The following SNAPC2 variants were observed in gnomAD, a reference collection of about 807,000 sequenced individuals.
SNAPC2 encodes snRNA-activating protein complex subunit 2.
SNAPC2 carries 27 observed loss-of-function variants against 22.9 expected under a neutral mutation model. That is an observed-to-expected ratio of 1.18 (90% confidence interval 0.87 to 1.63). The LOEUF is 1.63. Ranked by LOEUF, SNAPC2 falls within the 40% of genes most tolerant of loss-of-function variation. The pLI, the probability that SNAPC2 is intolerant of heterozygous loss-of-function variation, is 0.00. For synonymous variants in SNAPC2, 272 were observed against 201.0 expected, an observed-to-expected ratio of 1.35 and a Z score of -2.99; for missense variants, 570 against 449.1, an observed-to-expected ratio of 1.27 and a Z score of -2.43.
chr19:7,920,695 G>T, intron 1 of SNAPC2, 146 bp downstream of exon 1: 3 of 270,546 alleles, frequency 1.1e-5, no homozygotes, highest in Non-Finnish European at 2.0e-5. Context: ...GTGGCGGGGC[G>T]TTAGTGGGTG....
At position 7,922,030 on chromosome 19, in the gene SNAPC2, G is replaced by C; in HGVS notation, c.373-5G>C. The C allele has an allele frequency of 1.2e-6, 2 of 1,603,160 alleles. No homozygotes were observed. Among genetic ancestry groups the C allele is most frequent in the Middle Eastern group, 1.7e-4 (1 of 5,992 alleles). On this transcript the variant is annotated splice_polypyrimidine_tract_variant and splice_region_variant and intron_variant, in intron 3 of 4. Transcript: ENST00000221573. ...CTCTTCCTCCCTGATTGTTCTGCCT[G>C]CCAGGTGCTCACCATCGCGGCCACG...
chr19:7,922,174 C>T lies in SNAPC2; in HGVS notation c.512C>T (p.Ala171Val). The T allele has an allele frequency of 1.9e-6, 3 of 1,614,132 alleles. No individual in the cohort carries two copies. Among genetic ancestry groups the T allele is most frequent in the South Asian group, 1.1e-5 (1 of 91,080 alleles). ...EDPAPEIPSS[A>V]PAAPSSAPRT... ...CCCGCCCCTGAAATACCTAGCTCTG[C>T]CCCTGCTGCACCTAGCTCCGCACCC... The change falls in exon 4 of 5, where the codon GCC (alanine) becomes GTC (valine). Residue 171 changes from alanine to valine, a missense_variant. Ala to Val is a moderately conservative substitution (Grantham distance 64). Coordinates refer to ENST00000221573, the MANE Select transcript of SNAPC2 (RefSeq NM_003083.4).
At chr19:7,921,880 CGTCA>C (rs1276032962) in intron 3 of SNAPC2, 107 bp downstream of exon 3, 18 of 1,392,876 alleles carry the variant, frequency 1.3e-5, no homozygotes, top group Non-Finnish European at 1.7e-5. Context: ...CTGTGGACTC[CGTCA>C]GTCACTGGAC....
chr19:7,922,062 G>T lies in SNAPC2; in HGVS notation c.400G>T (p.Val134Phe). The T allele has an allele frequency of 6.2e-7, 1 of 1,611,198 alleles. No homozygotes were observed. Among genetic ancestry groups the T allele is most frequent in the Non-Finnish European group, 8.5e-7 (1 of 1,178,000 alleles). Residue 134 changes from valine to phenylalanine, a missense_variant, in exon 4 of 5, where the codon GTC becomes TTC. Transcript: ENST00000221573. ...QVLTIAATEP[V>F]TLLHSKPPKP... ...GCTCACCATCGCGGCCACGGAACCGGTCACCCTCCTGCACTCCAAGCCCCC... is the reference window on the plus strand; with the variant it reads ...GCTCACCATCGCGGCCACGGAACCGTTCACCCTCCTGCACTCCAAGCCCCC...
Position 7,922,866 on chromosome 19 carries a change from T to A in SNAPC2, c.*102T>A. ...CTGAGGATCCCGTCATGGGGGAAGGTCCTTGAGATGATGCTCAGCTGTGGG... is the reference window on the plus strand; with the variant it reads ...CTGAGGATCCCGTCATGGGGGAAGGACCTTGAGATGATGCTCAGCTGTGGG... On this transcript the variant is annotated 3_prime_UTR_variant, in exon 5 of 5. Coordinates refer to ENST00000221573, the MANE Select transcript of SNAPC2 (RefSeq NM_003083.4). The A allele has an allele frequency of 1.1e-6, 1 of 936,296 alleles. No homozygotes were observed. The highest frequency in any genetic ancestry group is 1.6e-6 in the Non-Finnish European group (1 of 624,664). 58.0% of individuals were successfully genotyped at this position (936,296 alleles called of 1,614,324 possible).
chr19:7,920,999 C>T (rs972101973), intron 1 of SNAPC2: 24 of 1,125,494 alleles, frequency 2.1e-5, no homozygotes, highest in Non-Finnish European at 2.5e-5. Context: ...AAAGGCGGGG[C>T]GAGCCTCGGG....
intron 3 of SNAPC2, 121 bp downstream of exon 3, chr19:7,921,894 C>T (rs902573805): frequency 8.1e-6 from 11 of 1,354,364 alleles, no homozygotes; most frequent in African/African-American, 1.4e-5. Context: ...AGTCACTGGA[C>T]ACCTCGAGCC....
Position 7,920,523 on chromosome 19 carries a change from G to C in SNAPC2, c.157G>C (p.Glu53Gln). The C allele has an allele frequency of 2.1e-6, 3 of 1,450,082 alleles. No individual in the cohort carries two copies. Among genetic ancestry groups the C allele is most frequent in the Non-Finnish European group, 2.7e-6 (3 of 1,109,608 alleles). 89.8% of individuals were successfully genotyped at this position (1,450,082 alleles called of 1,614,324 possible). The change falls in exon 1 of 5, where the codon GAG (glutamate) becomes CAG (glutamine). Residue 53 changes from glutamate to glutamine, a missense_variant. Coordinates refer to ENST00000221573, the MANE Select transcript of SNAPC2 (RefSeq NM_003083.4). The stretch of plus-strand genomic sequence containing the variant: ...GCCGGACGCCACCGAGCTGGCCCGG[G>C]AGCTGCGGGGCCGGAGCGAGGCTGA... ...PEPDATELAR[E>Q]LRGRSEAEIR...
rs201639553 is a variant in SNAPC2 at position 7,921,766 on chromosome 19, T to A, written c.365T>A (p.Phe122Tyr). Residue 122 changes from phenylalanine (F) to tyrosine (Y), a missense_variant, in exon 3 of 5, where the codon TTC becomes TAC. By Grantham distance (22) the Phe-to-Tyr change is conservative. Transcript: ENST00000221573. ...GPLEEALAVAFSQVLTIAATE... is the reference protein window; with the variant it reads ...GPLEEALAVAYSQVLTIAATE... ...CTGGAAGAAGCCCTGGCAGTGGCTTTCTCGCAGGTACCGCCATTCCCCCAG... is the reference window on the plus strand; with the variant it reads ...CTGGAAGAAGCCCTGGCAGTGGCTTACTCGCAGGTACCGCCATTCCCCCAG... The A allele has an allele frequency of 6.8e-6, 11 of 1,612,846 alleles. No individual in the cohort carries two copies. The highest frequency in any genetic ancestry group is 9.3e-6 in the Non-Finnish European group (11 of 1,179,352).
Position 7,922,797 on chromosome 19 carries a change from C to T in SNAPC2, c.*33C>T, listed in dbSNP as rs759595956. On this transcript the variant is annotated 3_prime_UTR_variant, in exon 5 of 5. Coordinates refer to ENST00000221573, the MANE Select transcript of SNAPC2 (RefSeq NM_003083.4). ...GGCGGGCAGGAGGCCACACCAGGCC[C>T]CCCGCCCTGCCCCTCGGTTCTGCTC... The T allele has an allele frequency of 3.4e-6, 5 of 1,473,924 alleles. No individual in the cohort carries two copies. In the East Asian group the frequency reaches 9.1e-5, roughly 27 times the overall value. 91.3% of individuals were successfully genotyped at this position (1,473,924 alleles called of 1,614,324 possible).
At position 7,922,446 on chromosome 19, in the gene SNAPC2, G is replaced by A. The variant is rs565417189; in HGVS notation, c.687G>A (p.Glu229=). The part of the protein sequence containing the change: ...SGRSPELSAA[E]SAVVLDLLMS... ...CCCCTCTCCTCCATCCATCACTAGA[G>A]TCCGCTGTGGTCCTCGACCTGCTCA... Residue 229 remains glutamate (E), a splice_region_variant and synonymous_variant, in exon 5 of 5, where the codon GAG becomes GAA. Transcript: ENST00000221573. The A allele has an allele frequency of 7.6e-6, 12 of 1,584,872 alleles. No homozygotes were observed. In the East Asian group the frequency reaches 2.0e-4, roughly 27 times the overall value.
chr19:7,921,112 AGC>A (rs1983555514), intron 1 of SNAPC2: 6 of 1,303,286 alleles, frequency 4.6e-6, no homozygotes, highest in Non-Finnish European at 5.9e-6. Flanking sequence ...ACAGGATACG[AGC>A]TTGAAGTGAG....
intron 1 of SNAPC2, 128 bp from the exon 2 acceptor site, chr19:7,921,295 A>C (rs1415503143): frequency 6.6e-6 from 10 of 1,511,526 alleles, no homozygotes; most frequent in African/African-American, 1.4e-5. Context: ...TGGGACTCCT[A>C]ACACCGGGCC....
intron 3 of SNAPC2, 50 bp from the exon 4 acceptor site, chr19:7,921,985 G>C: frequency 6.4e-7 from 1 of 1,558,352 alleles, no homozygotes; most frequent in Non-Finnish European, 8.7e-7. Context: ...TGTGTAGACG[G>C]TGAGAAGACT....
In SNAPC2 at chr19:7,923,197, T is replaced by G; in HGVS notation, c.*433T>G. 1.8e-5 allele frequency: 3 copies of G among 168,034 alleles called. No homozygotes were observed. The highest frequency in any genetic ancestry group is 1.7e-4 in the East Asian group (1 of 5,984). 10.4% of individuals were successfully genotyped at this position (168,034 alleles called of 1,614,324 possible). A position where few individuals can be genotyped will look rare whatever the true frequency, so the allele number is the denominator to read the frequency against. On this transcript the variant is annotated 3_prime_UTR_variant, in exon 5 of 5. Coordinates refer to ENST00000221573, the MANE Select transcript of SNAPC2 (RefSeq NM_003083.4). ...ACTCCCTGCTGCCAGGTCCTTCCCCTTCCCGGGGGTATTCTGTGACCATGA... is the reference window on the plus strand; with the variant it reads ...ACTCCCTGCTGCCAGGTCCTTCCCCGTCCCGGGGGTATTCTGTGACCATGA...
At position 7,922,961 on chromosome 19, in the gene SNAPC2, G is replaced by A. The variant is rs995519500; in HGVS notation, c.*197G>A. 5 of 533,226 alleles carry A rather than the reference G, an allele frequency of 9.4e-6. No individual in the cohort carries two copies. The highest frequency in any genetic ancestry group is 9.9e-6 in the Non-Finnish European group (3 of 304,166). The allele number at this position is 533,226 out of a possible 1,614,324, so 33.0% of individuals were successfully genotyped here. On this transcript the variant is annotated 3_prime_UTR_variant, in exon 5 of 5. Transcript: ENST00000221573. ...AACCCCCGTTGTACAGGGGTTGGGT[G>A]GGGGTTGCAGGACTCCACTCACAAG... is the stretch of plus-strand genomic sequence containing the variant.
chr19:7,920,410 T>C lies in SNAPC2; in HGVS notation c.44T>C (p.Leu15Pro). ...PRRRAAPARY[L>P]GEVTGPATWS... ...CGGCGAGCGGCCCCGGCGCGCTATCTGGGCGAGGTGACCGGTCCCGCGACC... is the reference window on the plus strand; with the variant it reads ...CGGCGAGCGGCCCCGGCGCGCTATCCGGGCGAGGTGACCGGTCCCGCGACC... The change falls in exon 1 of 5, where the codon CTG (leucine) becomes CCG (proline). Residue 15 changes from leucine (L) to proline (P), a missense_variant. Coordinates refer to ENST00000221573, the MANE Select transcript of SNAPC2 (RefSeq NM_003083.4). The C allele has an allele frequency of 6.3e-7, 1 of 1,582,428 alleles. No individual in the cohort carries two copies.
chr19:7,921,078 G>T (rs1568288569), intron 1 of SNAPC2: 3 of 1,194,394 alleles, frequency 2.5e-6, no homozygotes, highest in Non-Finnish European at 3.1e-6. Context: ...CCGAGTCCGG[G>T]CGAAAAGCAA....
intron 1 of SNAPC2, 66 bp downstream of exon 1, chr19:7,920,615 C>A: frequency 7.6e-6 from 1 of 132,262 alleles, no homozygotes; most frequent in South Asian, 1.5e-4. Flanking sequence ...GGAGAGTGGG[C>A]GGGGCTGCGG....
Sources: gnomAD v4.1 joint callset for allele counts on GRCh38, gnomAD v4.1.1 for gene constraint, MANE v1.5 for transcripts, NCBI Gene and HGNC (gene_info 2026-07-23, HGNC 2026-07-21) for gene names.